CRYBA4: variants seen among roughly 807,000 people sequenced by gnomAD.
CRYBA4 encodes crystallin beta A4.
Under a neutral mutation model 31.7 loss-of-function variants are expected in CRYBA4, and 30 were observed. The ratio of observed to expected loss-of-function variants is 0.95; its 90% CI spans 0.71 to 1.28. The LOEUF is 1.28. Among genes scored for constraint, CRYBA4 ranks in the 50% most tolerant of loss-of-function variants. The pLI, the probability that CRYBA4 is intolerant of heterozygous loss-of-function variation, is 0.00. For synonymous variants in CRYBA4, 102 were observed against 102.3 expected (o/e 1.00, Z 0.02); for missense variants, 225 against 260.7 (o/e 0.86, Z 0.94).
In CRYBA4 at chr22:26,623,261, C is replaced by T. The variant is rs200980598; in HGVS notation, c.67C>T (p.Gln23Ter). 2.8e-4 allele frequency: 457 copies of T among 1,613,782 alleles called. 1 individual carries two copies. The highest frequency in any genetic ancestry group is 6.8e-6 in the Non-Finnish European group (8 of 1,180,010). Residue 23 changes from glutamine (Q) to a stop codon, truncating the protein, a stop_gained, in exon 3 of 6, where the codon CAG becomes TAG. Coordinates refer to ENST00000354760, the MANE Select transcript of CRYBA4 (RefSeq NM_001886.3). LOFTEE classifies it high-confidence loss of function. Reference sequence around the variant, plus strand: ...GGTGGTGTGGGATGAGGACGGCTTCCAGGGCCGGCGGCACGAGTTCACGGC... The same window carrying T: ...GGTGGTGTGGGATGAGGACGGCTTCTAGGGCCGGCGGCACGAGTTCACGGC... ...KMVVWDEDGF[Q>*]GRRHEFTAEC...
chr22:26,594,715 C>CAAA, the CRYBA4 span, among the ~76,000 whole-genome samples: 6 of 151,978 alleles, frequency 3.9e-5, no homozygotes, highest in Admixed American at 2.6e-4. Context: ...AAACAAAAAC[C>CAAA]AAAACAAACA....
intron 4 of CRYBA4, among the ~76,000 whole-genome samples, chr22:26,626,957 C>T (rs1415387137): frequency 6.6e-6 from 1 of 152,218 alleles, no homozygotes; most frequent in Non-Finnish European, 1.5e-5. Flanking sequence ...TCGCAATCAT[C>T]AGTCCAGGTG....
At chr22:26,599,446 A>C in the CRYBA4 span, 13 of 1,560,268 alleles carry the variant, frequency 8.3e-6, no homozygotes, top group Non-Finnish European at 1.1e-5. Flanking sequence ...AAATAATTGA[A>C]CATGAAGAAG....
chr22:26,618,503 C>T (rs5761635), upstream of CRYBA4, among the ~76,000 whole-genome samples: 50,915 of 148,464 alleles, frequency 0.34, 9,214 homozygotes, highest in Middle Eastern at 0.47. Context: ...AGCACAGAAG[C>T]GTTTTGTAAA....
At chr22:26,606,377 T>C in the CRYBA4 span, among the ~76,000 whole-genome samples, 1 of 152,262 alleles carries the variant, frequency 6.6e-6, no homozygotes, top group Admixed American at 6.5e-5. Context: ...CTTTAAAATT[T>C]TTTTTACTAT....
chr22:26,602,033 G>C, the CRYBA4 span: 1 of 1,613,318 alleles, frequency 6.2e-7, no homozygotes, highest in Admixed American at 1.7e-5. Context: ...TGGGGAAAGA[G>C]AGGCCGGGTC....
the CRYBA4 span, among the ~76,000 whole-genome samples, chr22:26,591,292 G>A: frequency 1.3e-5 from 2 of 152,042 alleles, no homozygotes; most frequent in African/African-American, 4.8e-5. Flanking sequence ...CCAACATGGC[G>A]AAACCCTGTC....
the CRYBA4 span, chr22:26,602,148 G>A: frequency 1.7e-6 from 2 of 1,178,588 alleles, no homozygotes; most frequent in Non-Finnish European, 2.5e-6. Context: ...GACTCTCCAG[G>A]GACCACTGCT....
At chr22:26,590,908 T>C in the CRYBA4 span, among the ~76,000 whole-genome samples, 5 of 152,246 alleles carry the variant, frequency 3.3e-5, no homozygotes, top group Non-Finnish European at 7.3e-5. Flanking sequence ...CTTCTGCTTC[T>C]TCATGTGTAA....
In CRYBA4 at chr22:26,630,664, C is replaced by G; in HGVS notation, c.*177C>G. The G allele has an allele frequency of 3.3e-6, 2 of 603,980 alleles. No homozygotes were observed. Among genetic ancestry groups the G allele is most frequent in the Non-Finnish European group, 5.9e-6 (2 of 339,972 alleles). The allele number at this position is 603,980 out of a possible 1,614,324, so 37.4% of individuals were successfully genotyped here. A position where few individuals can be genotyped will look rare whatever the true frequency, so the allele number is the denominator to read the frequency against. On this transcript the variant is annotated 3_prime_UTR_variant, in exon 6 of 6. Transcript: ENST00000354760. ...CTCAAACGAATAAAAAAGAGAAAGT[C>G]TGGTATTAGTTGTGCTTTTCAATTT...
the CRYBA4 span, among the ~76,000 whole-genome samples, chr22:26,604,554 A>T: frequency 7.9e-5 from 12 of 152,220 alleles, no homozygotes; most frequent in Non-Finnish European, 1.5e-4. Flanking sequence ...GGAAGAAGTG[A>T]CACTAGAGAG....
At chr22:26,603,145 CA>C in the CRYBA4 span, among the ~76,000 whole-genome samples, 1 of 133,232 alleles carries the variant, frequency 7.5e-6, no homozygotes, top group Non-Finnish European at 1.6e-5. Flanking sequence ...AAAAAAAAAA[CA>C]AAAAACAAAT....
chr22:26,630,486 G>T lies in CRYBA4; in HGVS notation c.590G>T (p.Ter197LeuextTer32). 6.2e-7 allele frequency: 1 copy of T among 1,613,110 alleles called. No homozygotes were observed. Among genetic ancestry groups the T allele is most frequent in the South Asian group, 1.1e-5 (1 of 91,012 alleles). ...CAGAGCATCCGCAGGATCCAGCAGT[G>T]AACAGGGGTGCGGCACGGAGGAGCG... The part of the protein sequence containing the change: ...QVQSIRRIQQ[*>L] Residue 197 changes from the stop codon to leucine, a stop_lost, in exon 6 of 6, where the codon TGA (stop) becomes TTA (leucine). Transcript: ENST00000354760.
the CRYBA4 span, among the ~76,000 whole-genome samples, chr22:26,595,480 G>A: frequency 1.3e-5 from 2 of 151,852 alleles, no homozygotes; most frequent in South Asian, 4.2e-4. Flanking sequence ...TCGGGAGGCT[G>A]AGGCAGGAAA....
chr22:26,608,135 A>G, the CRYBA4 span: 1 of 1,483,482 alleles, frequency 6.7e-7, no homozygotes, highest in Non-Finnish European at 9.3e-7. Flanking sequence ...ACAGTAGGAA[A>G]GTCCAAAGGG....
chr22:26,595,665 G>A, the CRYBA4 span, among the ~76,000 whole-genome samples: 1 of 152,032 alleles, frequency 6.6e-6, no homozygotes, highest in Non-Finnish European at 1.5e-5. Context: ...TTGTAGAGAT[G>A]GGGTCTCCCT....
chr22:26,591,501 G>C, the CRYBA4 span, among the ~76,000 whole-genome samples: 1 of 149,084 alleles, frequency 6.7e-6, no homozygotes, highest in African/African-American at 2.5e-5. Flanking sequence ...CCAGCACTTT[G>C]GGAGGCCGAT....
chr22:26,608,843 C>A, the CRYBA4 span, among the ~76,000 whole-genome samples: 1 of 152,014 alleles, frequency 6.6e-6, no homozygotes, highest in East Asian at 1.9e-4. Context: ...TATCTACCCT[C>A]AGATACCTAT....
the CRYBA4 span, among the ~76,000 whole-genome samples, chr22:26,605,751 AT>A: frequency 7.4e-3 from 614 of 82,950 alleles, 1 homozygote; most frequent in African/African-American, 0.017. Context: ...GGTCAGGTTT[AT>A]TTTTTTTTTT....
Sources: allele counts gnomAD v4.1 joint callset (sites outside exome capture counted in the v4.1 genomes callset), GRCh38; gene constraint gnomAD v4.1.1; transcripts MANE v1.5; gene names NCBI Gene and HGNC (gene_info 2026-07-23, HGNC 2026-07-21).